Variants in CRPPA observed in about 807,000 individuals in gnomAD.
The protein encoded by CRPPA is D-ribitol-5-phosphate cytidylyltransferase.
A neutral mutation model predicts 52.0 loss-of-function variants in CRPPA; 43 were observed. That is an observed-to-expected ratio of 0.83 (90% CI 0.65 to 1.07). CRPPA has a LOEUF of 1.07. Among genes scored for constraint, CRPPA ranks in the 50% least tolerant of loss-of-function variants. The pLI, the probability that CRPPA is intolerant of heterozygous loss-of-function variation, is 0.00. For synonymous variants in CRPPA, 250 were observed against 203.5 expected (o/e 1.23, Z -1.94); for missense variants, 629 against 551.7 (o/e 1.14, Z -1.40).
chr7:16,204,405 A>C (rs909492031), intron 9 of CRPPA, among the ~76,000 whole-genome samples: 1 of 152,144 alleles, frequency 6.6e-6, no homozygotes, highest in African/African-American at 2.4e-5. Context: ...TTCAGTTATT[A>C]GTGGGAGCTA....
At chr7:16,305,946 A>G (rs1784900827) in intron 4 of CRPPA, among the ~76,000 whole-genome samples, 1 of 152,184 alleles carries the variant, frequency 6.6e-6, no homozygotes, top group African/African-American at 2.4e-5. Flanking sequence ...AAATCAAGAT[A>G]CAAGTAGGAC....
intron 4 of CRPPA, among the ~76,000 whole-genome samples, chr7:16,304,314 G>A (rs1784859329): frequency 6.6e-6 from 1 of 151,656 alleles, no homozygotes; most frequent in Admixed American, 6.6e-5. Flanking sequence ...CCTGCATGGT[G>A]TGTTGAAAGA....
In CRPPA at chr7:16,141,238, A is replaced by G. The variant is rs73681741; in HGVS notation, c.1252-49439T>C. 3.1e-3 allele frequency among the ~76,000 whole-genome samples: 474 copies of G among 152,288 alleles called. 3 individuals are homozygous for G. Among genetic ancestry groups the G allele is most frequent in the African/African-American group, 0.011 (454 of 41,554 alleles). ...TATTTGAGCACCCCAAAACCCCTAT[A>G]TCTTCCTAAATCCTTTATAGGAAAA... On this transcript the variant is annotated intron_variant, in intron 9 of 9. Transcript: ENST00000407010.
intron 5 of CRPPA, among the ~76,000 whole-genome samples, chr7:16,299,739 A>G (rs749003102): frequency 6.6e-5 from 10 of 152,386 alleles, no homozygotes; most frequent in Non-Finnish European, 1.3e-4. Context: ...TACTTAAAAA[A>G]TAAAAGTAGC....
At chr7:16,284,841 A>T (rs1243983859) in intron 5 of CRPPA, among the ~76,000 whole-genome samples, 1 of 152,136 alleles carries the variant, frequency 6.6e-6, no homozygotes, top group Non-Finnish European at 1.5e-5. Context: ...TGTCTCAAAA[A>T]AAACAGTAAT....
intron 9 of CRPPA, among the ~76,000 whole-genome samples, chr7:16,126,674 A>G (rs1041274657): frequency 2.0e-5 from 3 of 152,194 alleles, no homozygotes; most frequent in Non-Finnish European, 4.4e-5. Context: ...TCAATAGAAG[A>G]CTACATAGCA....
chr7:16,256,316 G>C (rs776428383), intron 8 of CRPPA, among the ~76,000 whole-genome samples: 2 of 151,892 alleles, frequency 1.3e-5, no homozygotes, highest in Non-Finnish European at 2.9e-5. Context: ...AAATATGAAC[G>C]CTTTTACACT....
intron 8 of CRPPA, among the ~76,000 whole-genome samples, chr7:16,228,324 A>G (rs1324638368): frequency 6.6e-6 from 1 of 151,726 alleles, no homozygotes; most frequent in Non-Finnish European, 1.5e-5. Flanking sequence ...TTTCTGCTCT[A>G]TATTGTTTCC....
intron 9 of CRPPA, among the ~76,000 whole-genome samples, chr7:16,100,468 T>C (rs1782022133): frequency 6.6e-6 from 1 of 152,204 alleles, no homozygotes; most frequent in South Asian, 2.1e-4. Context: ...TATTTATTAG[T>C]TAGAATAATT....
In CRPPA at chr7:16,216,212, A is replaced by G; in HGVS notation, c.1120-15T>C. 6.6e-7 allele frequency: 1 copy of G among 1,522,440 alleles called. No homozygotes were observed. The highest frequency in any genetic ancestry group is 2.0e-5 in the Admixed American group (1 of 50,658). The allele number at this position is 1,522,440 out of a possible 1,614,324, so 94.3% of individuals were successfully genotyped here. A position where few individuals can be genotyped will look rare whatever the true frequency, so the allele number is the denominator to read the frequency against. The stretch of plus-strand genomic sequence containing the variant: ...AGAAAATGAACCTGCAAAATATAAA[A>G]GACAGTATTTAGAATATCATTCCCT... On this transcript the variant is annotated splice_polypyrimidine_tract_variant and intron_variant, in intron 8 of 9. Coordinates refer to ENST00000407010, the MANE Select transcript of CRPPA (RefSeq NM_001101426.4).
At chr7:16,112,551 A>T (rs1463332249) in intron 9 of CRPPA, among the ~76,000 whole-genome samples, 2 of 152,220 alleles carry the variant, frequency 1.3e-5, no homozygotes, top group Admixed American at 1.3e-4. Flanking sequence ...AGAATGACTG[A>T]TGTGTAACTT....
chr7:16,125,861 G>A (rs1232017107), intron 9 of CRPPA, among the ~76,000 whole-genome samples: 1 of 147,018 alleles, frequency 6.8e-6, no homozygotes, highest in South Asian at 2.2e-4. Flanking sequence ...GGTGGTAGCA[G>A]TGTTAGATGT....
intron 9 of CRPPA, among the ~76,000 whole-genome samples, chr7:16,110,804 A>C (rs543673817): frequency 6.6e-6 from 1 of 152,302 alleles, no homozygotes; most frequent in Admixed American, 6.5e-5. Flanking sequence ...CTTGAAATGC[A>C]CTAAAGACTT....
Position 16,399,148 on chromosome 7 carries a change from A to G in CRPPA, c.534+6913T>C, listed in dbSNP as rs779428493. Among the ~76,000 whole-genome samples the G allele has an allele frequency of 6.9e-4, 105 of 152,226 alleles. 1 individual carries two copies. The highest frequency in any genetic ancestry group is 8.1e-4 in the Non-Finnish European group (55 of 68,036). On this transcript the variant is annotated intron_variant, in intron 2 of 9. Coordinates refer to ENST00000407010, the MANE Select transcript of CRPPA (RefSeq NM_001101426.4). ...TGACATTTCACCAATGTGTGACCAA[A>G]GCATGATTGACACATGAACACGTGA...
chr7:16,193,384 C>T (rs1003866145), intron 9 of CRPPA, among the ~76,000 whole-genome samples: 1 of 151,912 alleles, frequency 6.6e-6, no homozygotes, highest in Admixed American at 6.6e-5. Flanking sequence ...AGCAATTTCT[C>T]TAAAATTAGT....
chr7:16,292,575 C>G (rs1482937473), intron 5 of CRPPA, among the ~76,000 whole-genome samples: 2 of 151,956 alleles, frequency 1.3e-5, no homozygotes, highest in Non-Finnish European at 2.9e-5. Flanking sequence ...ATCCATCCAT[C>G]TGCCAGACTC....
intron 5 of CRPPA, among the ~76,000 whole-genome samples, chr7:16,293,004 G>A (rs150229545): frequency 1.3e-5 from 2 of 152,016 alleles, no homozygotes; most frequent in East Asian, 3.9e-4. Flanking sequence ...CACAGCTTCT[G>A]CTTTACCATA....
At chr7:16,329,046 A>G (rs1046991516) in intron 3 of CRPPA, among the ~76,000 whole-genome samples, 4 of 152,220 alleles carry the variant, frequency 2.6e-5, no homozygotes, top group African/African-American at 7.2e-5. Flanking sequence ...AAAATTCATG[A>G]AACTAGAAAT....
At chr7:16,245,750 G>C (rs1457791059) in intron 8 of CRPPA, among the ~76,000 whole-genome samples, 1 of 152,120 alleles carries the variant, frequency 6.6e-6, no homozygotes, top group Non-Finnish European at 1.5e-5. Flanking sequence ...AATGAAATGA[G>C]TCACAAGAAA....
Sources: allele counts gnomAD v4.1 joint callset (sites outside exome capture counted in the v4.1 genomes callset), GRCh38; gene constraint gnomAD v4.1.1; transcripts MANE v1.5; gene names NCBI Gene and HGNC (gene_info 2026-07-23, HGNC 2026-07-21).